ARHGAP44: variants seen among roughly 807,000 people sequenced by gnomAD.
ARHGAP44 encodes rho GTPase-activating protein 44.
Under a neutral mutation model 106.8 loss-of-function variants are expected in ARHGAP44, and 43 were observed. The observed-to-expected ratio is 0.40, with a 90% CI of 0.32 to 0.52. The LOEUF is 0.52. Among genes scored for constraint, ARHGAP44 ranks in the 20% least tolerant of loss-of-function variants. The pLI is 0.48. For synonymous variants in ARHGAP44, 439 were observed against 410.3 expected, an observed-to-expected ratio of 1.07 and a Z score of -0.85; for missense variants, 866 against 1,050.5, an observed-to-expected ratio of 0.82 and a Z score of 2.43.
At chr17:12,947,795 A>G (rs1280784210) in intron 10 of ARHGAP44, among the ~76,000 whole-genome samples, 1 of 152,208 alleles carries the variant, frequency 6.6e-6, no homozygotes, top group Non-Finnish European at 1.5e-5. Flanking sequence ...TGTATTCTGC[A>G]GTTGGCTGTC....
At chr17:12,835,570 C>T (rs2035213874) in intron 1 of ARHGAP44, among the ~76,000 whole-genome samples, 1 of 151,980 alleles carries the variant, frequency 6.6e-6, no homozygotes, top group South Asian at 2.1e-4. Flanking sequence ...CATAAGAAAG[C>T]ATTATCGTGT....
chr17:12,855,508 T>C (rs1197686827), intron 1 of ARHGAP44, among the ~76,000 whole-genome samples: 2 of 131,586 alleles, frequency 1.5e-5, no homozygotes, highest in African/African-American at 5.9e-5. Context: ...CTTCCCCTGA[T>C]GTTTTTTTCA....
At chr17:12,878,286 G>A (rs1006596722) in intron 1 of ARHGAP44, among the ~76,000 whole-genome samples, 30 of 151,552 alleles carry the variant, frequency 2.0e-4, no homozygotes, top group African/African-American at 7.3e-4. Context: ...TTTGGGAAAC[G>A]CTGCCATGAC....
chr17:12,964,556 G>A (rs1284255381), intron 16 of ARHGAP44, among the ~76,000 whole-genome samples: 1 of 152,176 alleles, frequency 6.6e-6, no homozygotes, highest in Non-Finnish European at 1.5e-5. Flanking sequence ...CAAGGTGGGC[G>A]GATCACTTGA....
chr17:12,839,648 T>G (rs989863188), intron 1 of ARHGAP44, among the ~76,000 whole-genome samples: 3 of 152,186 alleles, frequency 2.0e-5, no homozygotes, highest in African/African-American at 7.2e-5. Flanking sequence ...AAAGATTTAG[T>G]AGAGGTATTT....
rs1438282617 is a variant in ARHGAP44 at position 12,980,204 on chromosome 17, C to T, written c.1910C>T (p.Ala637Val). 1 of 1,613,348 alleles carries T rather than the reference C, an allele frequency of 6.2e-7. No homozygotes were observed. Among genetic ancestry groups the T allele is most frequent in the Non-Finnish European group, 8.5e-7 (1 of 1,179,820 alleles). The change falls in exon 19 of 21, where the codon GCA becomes GTA. Residue 637 changes from alanine (A) to valine (V), a missense_variant. Physicochemically the swap from Ala to Val is moderately conservative, Grantham distance 64 (BLOSUM62 0). Coordinates refer to ENST00000379672, the MANE Select transcript of ARHGAP44 (RefSeq NM_014859.6). Reference protein sequence around the residue: ...GASPSPSQPPADQSPHTLRKV... With the variant: ...GASPSPSQPPVDQSPHTLRKV... ...AGCCCCAGCCCCAGCCAGCCGCCTG[C>T]AGACCAGAGTCCTCACACCCTCCGG...
In ARHGAP44 at chr17:12,892,561, A is replaced by G. The variant is rs375045483; in HGVS notation, c.54-2379A>G. Among the ~76,000 whole-genome samples the G allele has an allele frequency of 4.7e-4, 71 of 151,998 alleles. 2 individuals are homozygous for G. In the South Asian group the frequency reaches 0.015, roughly 31 times the overall value. On this transcript the variant is annotated intron_variant, in intron 1 of 20. Coordinates refer to ENST00000379672, the MANE Select transcript of ARHGAP44 (RefSeq NM_014859.6). ...TTTTTTAACTTTTTTATTGTGGCCA[A>G]CTTAGTCTAATATAGCTACCATTTT...
rs201323976 is a variant in ARHGAP44, at chr17:12,793,709, C to CA, written c.53+3819dup. On this transcript the variant is annotated intron_variant, in intron 1 of 20. Transcript: ENST00000379672. ...GGCGACAGAGTGAGACTCCATCTCA[C>CA]ACAAAAAAAAAAAAAGGAACCTGCA... Among the ~76,000 whole-genome samples, 807 of 124,908 alleles carry CA rather than the reference C, an allele frequency of 6.5e-3. 28 individuals are homozygous for CA. In the East Asian group the frequency reaches 0.097, roughly 15 times the overall value. 81.9% of individuals were successfully genotyped at this position (124,908 alleles called of 152,430 possible). A position where few individuals can be genotyped will look rare whatever the true frequency, so the allele number is the denominator to read the frequency against.
chr17:12,964,017 T>C (rs1411752246), intron 16 of ARHGAP44, among the ~76,000 whole-genome samples: 1 of 152,206 alleles, frequency 6.6e-6, no homozygotes, highest in Admixed American at 6.5e-5. Context: ...TGAGTATTGG[T>C]GTGATATATA....
intron 1 of ARHGAP44, among the ~76,000 whole-genome samples, chr17:12,809,879 A>G (rs1168372154): frequency 6.6e-6 from 1 of 152,186 alleles, no homozygotes; most frequent in Admixed American, 6.6e-5. Context: ...GTGCTTGGGC[A>G]AAGGGTGCTT....
chr17:12,941,798 C>T (rs1225111021), intron 8 of ARHGAP44, among the ~76,000 whole-genome samples: 1 of 151,870 alleles, frequency 6.6e-6, no homozygotes, highest in Non-Finnish European at 1.5e-5. Flanking sequence ...AGGTTGTTTA[C>T]CAGGGTAAAT....
At chr17:12,950,384 G>T (rs1042535640) in intron 12 of ARHGAP44, among the ~76,000 whole-genome samples, 50 of 152,076 alleles carry the variant, frequency 3.3e-4, no homozygotes, top group Non-Finnish European at 5.9e-5. Flanking sequence ...CTGAAGATGC[G>T]CCCAAGGGAG....
At chr17:12,875,618 G>T (rs1282177588) in intron 1 of ARHGAP44, among the ~76,000 whole-genome samples, 3 of 151,796 alleles carry the variant, frequency 2.0e-5, no homozygotes, top group African/African-American at 7.3e-5. Flanking sequence ...ATAAAAAGGG[G>T]GGGTGCATTA....
intron 1 of ARHGAP44, among the ~76,000 whole-genome samples, chr17:12,829,741 C>G (rs1228262708): frequency 6.6e-6 from 1 of 152,132 alleles, no homozygotes; most frequent in African/African-American, 2.4e-5. Flanking sequence ...TTTATTGAGT[C>G]TCTGCTCAAA....
chr17:12,948,540 G>A (rs561791817), intron 10 of ARHGAP44, among the ~76,000 whole-genome samples: 1 of 151,942 alleles, frequency 6.6e-6, no homozygotes. Context: ...ACATGGTGGC[G>A]GGTGCCTGTA....
At chr17:12,826,097 CA>C (rs1295398083) in intron 1 of ARHGAP44, among the ~76,000 whole-genome samples, 2 of 152,126 alleles carry the variant, frequency 1.3e-5, no homozygotes, top group African/African-American at 4.8e-5. Flanking sequence ...ACTTTTAAGT[CA>C]GGGGTACGTG....
intron 20 of ARHGAP44, chr17:12,985,183 T>A (rs577310700): frequency 2.5e-6 from 1 of 401,192 alleles, no homozygotes; most frequent in East Asian, 4.2e-5. Context: ...TATCGGGGGT[T>A]GAAGACACTG....
intron 1 of ARHGAP44, among the ~76,000 whole-genome samples, chr17:12,841,633 C>G (rs775339320): frequency 9.7e-6 from 1 of 102,698 alleles, no homozygotes; most frequent in Non-Finnish European, 2.1e-5. Flanking sequence ...CACACACACA[C>G]ACACACAAAC....
intron 4 of ARHGAP44, among the ~76,000 whole-genome samples, chr17:12,909,229 G>A (rs1175757937): frequency 6.6e-6 from 1 of 152,144 alleles, no homozygotes; most frequent in African/African-American, 2.4e-5. Flanking sequence ...CCTAGCAGAA[G>A]CAAATATGAA....
Sources: gnomAD v4.1 joint callset for allele counts (sites outside exome capture counted in the v4.1 genomes callset) on GRCh38, gnomAD v4.1.1 for gene constraint, MANE v1.5 for transcripts, NCBI Gene and HGNC (gene_info 2026-07-23, HGNC 2026-07-21) for gene names.